The following SLC25A16 variants were observed in gnomAD, a reference collection of about 807,000 sequenced individuals.
The protein encoded by SLC25A16 is mitochondrial coenzyme A transporter SLC25A16.
A neutral mutation model predicts 41.5 loss-of-function variants in SLC25A16; 39 were observed. The observed-to-expected ratio is 0.94, with a 90% CI of 0.73 to 1.23. The LOEUF (loss-of-function observed/expected upper bound fraction) is 1.23, where lower values mean the gene tolerates loss of function less well. Among genes scored for constraint, SLC25A16 ranks in the 50% most tolerant of loss-of-function variants. The probability of loss-of-function intolerance (pLI) is 0.00; values close to 1 mark genes in which losing one functional copy is unlikely to be tolerated. For missense variants in SLC25A16, 421 were observed against 426.9 expected (o/e 0.99, Z 0.12); for synonymous variants, 146 against 147.8 (o/e 0.99, Z 0.09).
At chr10:68,486,862 C>T (rs1484767078) in intron 8 of SLC25A16, among the ~76,000 whole-genome samples, 1 of 140,802 alleles carries the variant, frequency 7.1e-6, no homozygotes, top group African/African-American at 2.6e-5. Flanking sequence ...AAGACCGAGG[C>T]AAAAGAATCA....
intron 6 of SLC25A16, among the ~76,000 whole-genome samples, chr10:68,489,826 G>C (rs192177643): frequency 6.6e-6 from 1 of 151,480 alleles, no homozygotes; most frequent in Admixed American, 6.6e-5. Context: ...GCTTGAACCC[G>C]GGAGGCGGAG....
chr10:68,520,548 A>G (rs1404197710), intron 1 of SLC25A16, among the ~76,000 whole-genome samples: 1 of 151,982 alleles, frequency 6.6e-6, no homozygotes, highest in Non-Finnish European at 1.5e-5. Context: ...GCAGTGGCCC[A>G]CACCTGTAAT....
Position 68,479,285 on chromosome 10 carries a change from T to G in SLC25A16, c.*4147A>C, listed in dbSNP as rs2052458999. The G allele has an allele frequency of 6.6e-6, 1 of 152,118 alleles. No individual in the cohort carries two copies. The highest frequency in any genetic ancestry group is 2.4e-5 in the African/African-American group (1 of 41,414). The allele number at this position is 152,118 out of a possible 1,614,324, so 9.4% of individuals were successfully genotyped here. On this transcript the variant is annotated 3_prime_UTR_variant, in exon 9 of 9. Coordinates refer to ENST00000609923, the MANE Select transcript of SLC25A16 (RefSeq NM_152707.4). ...CGCCATACCCTGTGCTCCCTGCCCT[T>G]GAAGGAACCAGATATTGGGATGTGG... is the stretch of plus-strand genomic sequence containing the variant.
At chr10:68,522,737 C>T (rs61856494) in intron 1 of SLC25A16, among the ~76,000 whole-genome samples, 17,157 of 150,180 alleles carry the variant, frequency 0.11, 1,105 homozygotes, top group South Asian at 0.24. Flanking sequence ...ATCACTTGAA[C>T]CTGGGAGCTG....
intron 7 of SLC25A16, 28 bp from the exon 8 acceptor site, chr10:68,487,240 T>TA (rs2052580222): frequency 6.2e-7 from 1 of 1,603,142 alleles, no homozygotes; most frequent in Non-Finnish European, 8.5e-7. Flanking sequence ...CATAAAGAAT[T>TA]AAAAATTTTT....
intron 3 of SLC25A16, among the ~76,000 whole-genome samples, chr10:68,506,358 T>G (rs368278719): frequency 6.6e-6 from 1 of 151,684 alleles, no homozygotes; most frequent in East Asian, 1.9e-4. Context: ...GGCAGGAGAA[T>G]CGCTTGAACC....
rs899204511 is a variant in SLC25A16 at position 68,478,238 on chromosome 10, T to C, written c.*5194A>G. The C allele has an allele frequency of 1.3e-5, 2 of 152,206 alleles. No individual in the cohort carries two copies. Among genetic ancestry groups the C allele is most frequent in the African/African-American group, 4.8e-5 (2 of 41,454 alleles). The allele number at this position is 152,206 out of a possible 1,614,324, so 9.4% of individuals were successfully genotyped here. A position where few individuals can be genotyped will look rare whatever the true frequency, so the allele number is the denominator to read the frequency against. ...AAAAAGAAATATTAAATGGTACTTATATCATAGTATTGTAATGGAGATTGA... is the reference window on the plus strand; with the variant it reads ...AAAAAGAAATATTAAATGGTACTTACATCATAGTATTGTAATGGAGATTGA... On this transcript the variant is annotated 3_prime_UTR_variant, in exon 9 of 9. Transcript: ENST00000609923.
intron 2 of SLC25A16, among the ~76,000 whole-genome samples, chr10:68,516,410 A>C (rs1011912810): frequency 1.8e-4 from 27 of 152,136 alleles, no homozygotes; most frequent in East Asian, 7.7e-4. Context: ...TAAAAAAAAA[A>C]CACCTTTAAA....
At chr10:68,525,100 A>G (rs2053315924) in intron 1 of SLC25A16, among the ~76,000 whole-genome samples, 1 of 152,066 alleles carries the variant, frequency 6.6e-6, no homozygotes. Context: ...TTCAGATATT[A>G]TCTTTCTACA....
At chr10:68,520,533 C>T (rs1383520483) in intron 1 of SLC25A16, among the ~76,000 whole-genome samples, 1 of 151,940 alleles carries the variant, frequency 6.6e-6, no homozygotes, top group African/African-American at 2.4e-5. Flanking sequence ...AAAATTAGGC[C>T]AGGCGCAGTG....
At chr10:68,487,043 C>A in intron 8 of SLC25A16, 101 bp downstream of exon 8, 13 of 642,926 alleles carry the variant, frequency 2.0e-5, no homozygotes, top group South Asian at 5.9e-5. Flanking sequence ...GGAGATAAAA[C>A]GGAAGATACA....
chr10:68,521,271 G>A (rs1025099747), intron 1 of SLC25A16, among the ~76,000 whole-genome samples: 1 of 152,232 alleles, frequency 6.6e-6, no homozygotes, highest in Non-Finnish European at 1.5e-5. Context: ...GGCTGTGGTG[G>A]TTAATGCCTG....
At chr10:68,489,378 G>T (rs1476311347) in intron 6 of SLC25A16, among the ~76,000 whole-genome samples, 1 of 152,180 alleles carries the variant, frequency 6.6e-6, no homozygotes, top group Non-Finnish European at 1.5e-5. Flanking sequence ...GTCTAAGTTT[G>T]TCTTCAAGGA....
intron 1 of SLC25A16, 152 bp from the exon 2 acceptor site, chr10:68,516,995 C>A: frequency 9.5e-7 from 1 of 1,050,706 alleles, no homozygotes; most frequent in Non-Finnish European, 1.3e-6. Context: ...ATGACTGGTC[C>A]CCATTTCCTG....
At position 68,486,240 on chromosome 10, in the gene SLC25A16, A is replaced by AAAAAAAC. The variant is rs1564908733; in HGVS notation, c.842+903_842+904insGTTTTTT. 6.9e-4 allele frequency among the ~76,000 whole-genome samples: 102 copies of AAAAAAAC among 146,818 alleles called. 1 individual carries two copies. The highest frequency in any genetic ancestry group is 2.6e-3 in the African/African-American group (99 of 37,754). On this transcript the variant is annotated intron_variant, in intron 8 of 8. Coordinates refer to ENST00000609923, the MANE Select transcript of SLC25A16 (RefSeq NM_152707.4). ...TCTCAAAAAAACAAAACAAAAAAAA[A>AAAAAAAC]AAAAAAACACAACCTCTAAAATAAT...
At chr10:68,526,551 T>C (rs1377183162) in intron 1 of SLC25A16, among the ~76,000 whole-genome samples, 1 of 152,158 alleles carries the variant, frequency 6.6e-6, no homozygotes, top group African/African-American at 2.4e-5. Flanking sequence ...CTCTATACTT[T>C]GTCTCTGTGT....
rs1187603730 is a variant in SLC25A16, at chr10:68,516,648, G to T, written c.223+103C>A. On this transcript the variant is annotated intron_variant, in intron 2 of 8. Transcript: ENST00000609923. ...AATGGGGAAAAAAGTTTTTAAAGAG[G>T]AACCTCTACTTTACTTTTTACACCC... is the stretch of plus-strand genomic sequence containing the variant. 32 of 701,042 alleles carry T rather than the reference G, an allele frequency of 4.6e-5. No individual in the cohort carries two copies. In the East Asian group the frequency reaches 7.0e-4, roughly 15 times the overall value. The allele number at this position is 701,042 out of a possible 1,614,324, so 43.4% of individuals were successfully genotyped here.
intron 4 of SLC25A16, among the ~76,000 whole-genome samples, chr10:68,502,436 TGAAA>T (rs1040321995): frequency 6.6e-6 from 1 of 151,356 alleles, no homozygotes; most frequent in African/African-American, 2.4e-5. Flanking sequence ...TAACAATATC[TGAAA>T]GAAAAACAAC....
At chr10:68,490,446 G>A (rs2052637793) in intron 6 of SLC25A16, among the ~76,000 whole-genome samples, 2 of 151,764 alleles carry the variant, frequency 1.3e-5, no homozygotes, top group African/African-American at 4.8e-5. Context: ...GGGTTCAAGC[G>A]ATTCTCTTGC....
Sources: allele counts gnomAD v4.1 joint callset (sites outside exome capture counted in the v4.1 genomes callset), GRCh38; gene constraint gnomAD v4.1.1; transcripts MANE v1.5; gene names NCBI Gene and HGNC (gene_info 2026-07-23, HGNC 2026-07-21).